Variants in SPIDR observed in about 807,000 individuals in gnomAD.
The protein encoded by SPIDR is scaffold protein involved in DNA repair, also known as DNA repair-scaffolding protein.
A neutral mutation model predicts 104.6 loss-of-function variants in SPIDR; 93 were observed. The ratio of observed to expected loss-of-function variants is 0.89; its 90% CI spans 0.75 to 1.06. SPIDR has a LOEUF of 1.06. SPIDR is among the 50% of genes least tolerant of loss of function. The probability of loss-of-function intolerance (pLI) is 0.00; values close to 1 mark genes in which losing one functional copy is unlikely to be tolerated. For missense variants in SPIDR, 1,154 were observed against 1,111.2 expected (o/e 1.04, Z -0.55); for synonymous variants, 431 against 416.9 (o/e 1.03, Z -0.41).
At chr8:47,347,102 CT>C (rs2052280908) in intron 5 of SPIDR, among the ~76,000 whole-genome samples, 1 of 152,208 alleles carries the variant, frequency 6.6e-6, no homozygotes, top group Non-Finnish European at 1.5e-5. Flanking sequence ...AAATTTCCCT[CT>C]ACACACTGCT....
At chr8:47,479,345 T>A (rs113341759) in intron 8 of SPIDR, among the ~76,000 whole-genome samples, 1 of 141,272 alleles carries the variant, frequency 7.1e-6, no homozygotes. Context: ...GGCAACAGAG[T>A]GAGACTCTCT....
chr8:47,320,706 C>T (rs922719105), intron 5 of SPIDR, among the ~76,000 whole-genome samples: 4 of 152,158 alleles, frequency 2.6e-5, no homozygotes, highest in Non-Finnish European at 4.4e-5. Context: ...CAATAAAATA[C>T]TGGCAAACCA....
intron 8 of SPIDR, among the ~76,000 whole-genome samples, chr8:47,453,182 A>G: frequency 6.6e-6 from 1 of 152,224 alleles, no homozygotes; most frequent in East Asian, 1.9e-4. Flanking sequence ...TTCAAGGAGA[A>G]CTACAAACCA....
At chr8:47,673,382 G>A (rs763079519) in intron 10 of SPIDR, 43 of 456,460 alleles carry the variant, frequency 9.4e-5, no homozygotes, top group Admixed American at 2.4e-4. Flanking sequence ...TCTCAGTATC[G>A]AGCATCCACA....
chr8:47,697,254 A>G (rs2079463304), intron 11 of SPIDR, among the ~76,000 whole-genome samples: 2 of 151,874 alleles, frequency 1.3e-5, no homozygotes, highest in African/African-American at 4.8e-5. Context: ...GCTCCACTCC[A>G]GCCTGGATGA....
intron 8 of SPIDR, among the ~76,000 whole-genome samples, chr8:47,455,420 C>CA (rs200256035): frequency 0.034 from 5,036 of 148,060 alleles, 90 homozygotes; most frequent in Middle Eastern, 0.046. Flanking sequence ...CACAGACACA[C>CA]AAAAAAAACA....
chr8:47,518,826 A>G (rs972447996), intron 8 of SPIDR, among the ~76,000 whole-genome samples: 3 of 152,010 alleles, frequency 2.0e-5, no homozygotes, highest in African/African-American at 4.8e-5. Flanking sequence ...TAGTAAAGAC[A>G]GGGTTTCACT....
At chr8:47,618,873 G>T (rs564000812) in intron 10 of SPIDR, among the ~76,000 whole-genome samples, 59 of 152,280 alleles carry the variant, frequency 3.9e-4, no homozygotes, top group Admixed American at 1.3e-4. Flanking sequence ...ATGATCACAA[G>T]GATTATTATA....
chr8:47,489,148 G>T (rs1246337490), intron 8 of SPIDR, among the ~76,000 whole-genome samples: 1 of 152,166 alleles, frequency 6.6e-6, no homozygotes, highest in Non-Finnish European at 1.5e-5. Flanking sequence ...AGCAACTTCA[G>T]CAAAGTCTCA....
intron 8 of SPIDR, among the ~76,000 whole-genome samples, chr8:47,538,718 T>A (rs1438410998): frequency 6.6e-6 from 1 of 152,078 alleles, no homozygotes; most frequent in Non-Finnish European, 1.5e-5. Context: ...AAATAGAGAG[T>A]AAACCAAAGC....
At chr8:47,392,385 C>G (rs1173826267) in intron 5 of SPIDR, among the ~76,000 whole-genome samples, 2 of 152,106 alleles carry the variant, frequency 1.3e-5, no homozygotes, top group African/African-American at 2.4e-5. Context: ...GGTATGTTTG[C>G]TTTGTATTTT....
chr8:47,331,158 G>A (rs1212659124), intron 5 of SPIDR, among the ~76,000 whole-genome samples: 2 of 152,132 alleles, frequency 1.3e-5, no homozygotes, highest in Non-Finnish European at 2.9e-5. Flanking sequence ...ATCTTCTTTG[G>A]AGAGATATCT....
intron 16 of SPIDR, among the ~76,000 whole-genome samples, chr8:47,726,150 C>G (rs1382550113): frequency 6.6e-6 from 1 of 152,242 alleles, no homozygotes; most frequent in Non-Finnish European, 1.5e-5. Context: ...GCTTTTCATC[C>G]CTTTGACCCA....
intron 10 of SPIDR, among the ~76,000 whole-genome samples, chr8:47,646,237 G>A (rs893681791): frequency 6.6e-6 from 1 of 152,128 alleles, no homozygotes; most frequent in African/African-American, 2.4e-5. Context: ...TACCAATTTT[G>A]CAGAAATCTA....
At chr8:47,300,207 C>T (rs1554576274) in intron 5 of SPIDR, among the ~76,000 whole-genome samples, 2 of 152,248 alleles carry the variant, frequency 1.3e-5, no homozygotes, top group Non-Finnish European at 1.5e-5. Flanking sequence ...GGAATTTACC[C>T]GTTTCTCCTA....
At chr8:47,518,092 T>C (rs62539107) in intron 8 of SPIDR, among the ~76,000 whole-genome samples, 3,341 of 152,358 alleles carry the variant, frequency 0.022, 52 homozygotes, top group Middle Eastern at 0.065. Context: ...TTAAAGTAAT[T>C]GTAGGCTATT....
intron 10 of SPIDR, among the ~76,000 whole-genome samples, chr8:47,652,874 T>TG (rs2071930956): frequency 6.6e-6 from 1 of 152,206 alleles, no homozygotes; most frequent in South Asian, 2.1e-4. Context: ...GCTTAGAATG[T>TG]GAAACCCTGA....
chr8:47,705,791 C>T (rs1051062347), intron 14 of SPIDR, among the ~76,000 whole-genome samples: 4 of 152,012 alleles, frequency 2.6e-5, no homozygotes, highest in African/African-American at 9.7e-5. Context: ...ATCATCTCAG[C>T]TACTTGGGAG....
intron 5 of SPIDR, among the ~76,000 whole-genome samples, chr8:47,394,359 G>A (rs1325440227): frequency 6.6e-6 from 1 of 152,144 alleles, no homozygotes; most frequent in African/African-American, 2.4e-5. Flanking sequence ...ATCCTCACAA[G>A]CAGCATGAAT....
Sources: allele counts gnomAD v4.1 joint callset (sites outside exome capture counted in the v4.1 genomes callset), GRCh38; gene constraint gnomAD v4.1.1; transcripts MANE v1.5; gene names NCBI Gene and HGNC (gene_info 2026-07-23, HGNC 2026-07-21).